The following TJP3 variants were observed in gnomAD, a reference collection of about 807,000 sequenced individuals.
TJP3 encodes tight junction protein 3, also known as tight junction protein ZO-3.
Under a neutral mutation model 104.2 loss-of-function variants are expected in TJP3, and 85 were observed. The ratio of observed to expected loss-of-function variants is 0.82; its 90% confidence interval spans 0.68 to 0.98. The LOEUF (loss-of-function observed/expected upper bound fraction) is 0.98. Among genes scored for constraint, TJP3 ranks in the 50% least tolerant of loss-of-function variants. The pLI is 0.00. For missense variants in TJP3, 1,367 were observed against 1,322.8 expected, an observed-to-expected ratio of 1.03 and a Z score of -0.52; for synonymous variants, 550 against 550.6, an observed-to-expected ratio of 1.00 and a Z score of 0.02.
rs2145680456 is a variant in TJP3 at position 3,728,462 on chromosome 19, C to T, written c.30C>T (p.His10=). ...AGGAGCTGACCATCTGGGAACAGCA[C>T]ACGGCCACACTGTCCAAGGTGAGGC... is the stretch of plus-strand genomic sequence containing the variant. The part of the protein sequence containing the change: MEELTIWEQ[H]TATLSKDPRR... The change falls in exon 2 of 21, where the codon CAC becomes CAT. Residue 10 remains histidine (H), a synonymous_variant. Transcript: ENST00000541714. The T allele has an allele frequency of 6.2e-7, 1 of 1,613,138 alleles. No homozygotes were observed. The highest frequency in any genetic ancestry group is 8.5e-7 in the Non-Finnish European group (1 of 1,179,682).
chr19:3,748,093 A>G lies in TJP3; in HGVS notation c.2610+12A>G, dbSNP rs1246542008. On this transcript the variant is annotated intron_variant, in intron 19 of 20. Coordinates refer to ENST00000541714, the MANE Select transcript of TJP3 (RefSeq NM_001267560.2). ...ATCAGGGGGCCCAGGTGCGTCGGAC[A>G]TGGGGGGCAGGCCTGGGAAGGGTCT... The G allele has an allele frequency of 6.5e-7, 1 of 1,542,736 alleles. No homozygotes were observed. The highest frequency in any genetic ancestry group is 8.8e-7 in the Non-Finnish European group (1 of 1,141,848).
chr19:3,716,801 A>ATATTTTTT (rs1421328174), intron 1 of TJP3, among the ~76,000 whole-genome samples: 59 of 81,930 alleles, frequency 7.2e-4, no homozygotes, highest in African/African-American at 2.7e-3. Flanking sequence ...ATATATATAT[A>ATATTTTTT]TTTTTTTTTT....
intron 1 of TJP3, among the ~76,000 whole-genome samples, chr19:3,719,792 G>T (rs1030718253): frequency 6.6e-6 from 1 of 151,854 alleles, no homozygotes; most frequent in African/African-American, 2.4e-5. Context: ...ATGTGAGAAG[G>T]TGCGTTGAAA....
chr19:3,749,150 G>A (rs1480904707), intron 19 of TJP3, among the ~76,000 whole-genome samples: 1 of 151,902 alleles, frequency 6.6e-6, no homozygotes, highest in Non-Finnish European at 1.5e-5. Context: ...TTAGAGGCGT[G>A]AGCCACCGCA....
Position 3,736,328 on chromosome 19 carries a change from C to T in TJP3, c.1284+7C>T, listed in dbSNP as rs767763963. 7.9e-6 allele frequency: 12 copies of T among 1,521,204 alleles called. No homozygotes were observed. Among genetic ancestry groups the T allele is most frequent in the South Asian group, 2.6e-5 (2 of 77,180 alleles). The allele number at this position is 1,521,204 out of a possible 1,614,324, so 94.2% of individuals were successfully genotyped here. ...GGGAGATCAGATTCTGCAGGTGCTC[C>T]GGGGGCGGCTGGCCAGCCCCACTGA... is the stretch of plus-strand genomic sequence containing the variant. On this transcript the variant is annotated splice_region_variant and intron_variant, in intron 11 of 20. Coordinates refer to ENST00000541714, the MANE Select transcript of TJP3 (RefSeq NM_001267560.2).
chr19:3,718,231 GTGTGTGTGTGTGTGTGTGTGTGTGTC>G (rs1406528831), intron 1 of TJP3, among the ~76,000 whole-genome samples: 28 of 118,078 alleles, frequency 2.4e-4, no homozygotes, highest in African/African-American at 8.5e-4. Flanking sequence ...GTGTGTGTGT[GTGTGTGTGTGTGTGTGTGTGTGTGTC>G]TGTGTGTGTG....
chr19:3,719,820 G>C (rs2036526242), intron 1 of TJP3, among the ~76,000 whole-genome samples: 1 of 151,742 alleles, frequency 6.6e-6, no homozygotes, highest in South Asian at 2.1e-4. Context: ...TACAATTCTT[G>C]CTTCGGTCGG....
rs112005300 is a variant in TJP3 at position 3,746,472 on chromosome 19, C to T, written c.2011-13C>T. 8.7e-6 allele frequency: 14 copies of T among 1,613,442 alleles called. No individual in the cohort carries two copies. The highest frequency in any genetic ancestry group is 4.0e-5 in the African/African-American group (3 of 75,034). On this transcript the variant is annotated splice_polypyrimidine_tract_variant and intron_variant, in intron 16 of 20. Coordinates refer to ENST00000541714, the MANE Select transcript of TJP3 (RefSeq NM_001267560.2). This position sits in a 1 kb window ranked among gnomAD's most constrained non-coding sequence, Gnocchi z 4.1. ...CAATCCCCCTCACCCCAACGTCCGC[C>T]GGCCTGGCCCAGGACAAGCATGCGC... is the stretch of plus-strand genomic sequence containing the variant.
intron 1 of TJP3, among the ~76,000 whole-genome samples, chr19:3,717,874 C>T (rs893312980): frequency 6.9e-6 from 1 of 145,628 alleles, no homozygotes; most frequent in East Asian, 2.1e-4. Context: ...CTCAGCTTCC[C>T]AAGTAGCTGG....
intron 3 of TJP3, among the ~76,000 whole-genome samples, chr19:3,729,488 T>C (rs1338363672): frequency 1.3e-5 from 2 of 152,054 alleles, no homozygotes; most frequent in African/African-American, 4.8e-5. Flanking sequence ...CAGGTGTAGC[T>C]GTAGCTTCAA....
chr19:3,716,865 C>G (rs2036483052), intron 1 of TJP3, among the ~76,000 whole-genome samples: 1 of 136,784 alleles, frequency 7.3e-6, no homozygotes, highest in South Asian at 2.6e-4. Context: ...GTGGCACGAT[C>G]TCGGCTCACT....
chr19:3,738,701 G>T (rs373551480), intron 12 of TJP3, 38 bp downstream of exon 12: 66 of 1,568,612 alleles, frequency 4.2e-5, no homozygotes, highest in Middle Eastern at 4.1e-4. Context: ...TGTGTGTTGC[G>T]GGGGGAGGAC....
At chr19:3,710,203 C>T (rs1242596803) in intron 1 of TJP3, among the ~76,000 whole-genome samples, 3 of 150,576 alleles carry the variant, frequency 2.0e-5, no homozygotes, top group Non-Finnish European at 2.9e-5. Flanking sequence ...AGGCACAGGG[C>T]TGTTGAGTGC....
At chr19:3,726,545 G>A (rs1330481014) in intron 1 of TJP3, among the ~76,000 whole-genome samples, 1 of 151,958 alleles carries the variant, frequency 6.6e-6, no homozygotes, top group Non-Finnish European at 1.5e-5. Flanking sequence ...GTTGCAGTGA[G>A]CCAAGTTGGC....
chr19:3,739,665 A>T (rs939456674), intron 13 of TJP3, among the ~76,000 whole-genome samples: 2 of 152,150 alleles, frequency 1.3e-5, no homozygotes, highest in African/African-American at 2.4e-5. Context: ...ATCCTCTTAC[A>T]GTTCTGGAGA....
chr19:3,728,347 C>G (rs1192256831), intron 1 of TJP3, 77 bp from the exon 2 acceptor site: 26 of 1,610,102 alleles, frequency 1.6e-5, no homozygotes, highest in Non-Finnish European at 2.1e-5. Flanking sequence ...GGACTCCCCA[C>G]CCTGAGCTGG....
chr19:3,727,076 C>T (rs1439300670), intron 1 of TJP3, among the ~76,000 whole-genome samples: 2 of 150,814 alleles, frequency 1.3e-5, no homozygotes, highest in Non-Finnish European at 3.0e-5. Flanking sequence ...GACAGAGACC[C>T]TGTCTAAAAA....
At chr19:3,712,903 T>C (rs1182327522) in intron 1 of TJP3, among the ~76,000 whole-genome samples, 1 of 151,082 alleles carries the variant, frequency 6.6e-6, no homozygotes, top group African/African-American at 2.4e-5. Context: ...TGAGCTATGA[T>C]TGCACCACTG....
chr19:3,734,398 C>A lies in TJP3; in HGVS notation c.949C>A (p.Gln317Lys). Residue 317 changes from glutamine to lysine, a missense_variant, in exon 8 of 21, where the codon CAG becomes AAG. Gln to Lys is a moderately conservative substitution (Grantham distance 53). Coordinates refer to ENST00000541714, the MANE Select transcript of TJP3 (RefSeq NM_001267560.2). The part of the protein sequence containing the change: ...SHIPPPPRHA[Q>K]RSPEASQTDS... ...CATCCCACCACCACCCCGGCATGCT[C>A]AGCGGAGCCCCGAGGCCAGCCAGAC... The A allele has an allele frequency of 6.2e-7, 1 of 1,612,688 alleles. No individual in the cohort carries two copies.
Sources: allele counts gnomAD v4.1 joint callset (sites outside exome capture counted in the v4.1 genomes callset), GRCh38; gene constraint gnomAD v4.1.1; non-coding constraint Gnocchi (gnomAD v3.1); transcripts MANE v1.5; gene names NCBI Gene and HGNC (gene_info 2026-07-23, HGNC 2026-07-21).